Variants in FBXW7 observed in about 807,000 individuals in gnomAD.
The protein encoded by FBXW7 is F-box/WD repeat-containing protein 7.
FBXW7 carries 11 observed loss-of-function variants against 86.3 expected under a neutral mutation model. That is an observed-to-expected ratio of 0.13 (90% confidence interval 0.08 to 0.21). FBXW7 has a LOEUF of 0.21. Among genes scored for constraint, FBXW7 ranks in the 10% least tolerant of loss-of-function variants. The pLI is 1.00. For missense variants in FBXW7, 488 were observed against 847.4 expected (o/e 0.58, Z 5.27); for synonymous variants, 313 against 297.9 (o/e 1.05, Z -0.52).
chr4:152,370,618 T>G (rs1259673172), intron 4 of FBXW7, among the ~76,000 whole-genome samples: 1 of 151,972 alleles, frequency 6.6e-6, no homozygotes, highest in Non-Finnish European at 1.5e-5. Flanking sequence ...TTTAGCATTA[T>G]CTACACTTGG....
intron 2 of FBXW7, among the ~76,000 whole-genome samples, chr4:152,503,591 G>T (rs1747151586): frequency 1.3e-5 from 2 of 150,194 alleles, no homozygotes; most frequent in Non-Finnish European, 3.0e-5. Flanking sequence ...TCTTTTAGGT[G>T]AAATTTATTT....
At chr4:152,512,087 T>A (rs899835569) in intron 2 of FBXW7, among the ~76,000 whole-genome samples, 1 of 152,186 alleles carries the variant, frequency 6.6e-6, no homozygotes, top group African/African-American at 2.4e-5. Flanking sequence ...TTTCTTTCAA[T>A]GGACCAAGGC....
At position 152,321,516 on chromosome 4, in the gene FBXW7, T is replaced by C. The variant is rs1728557790; in HGVS notation, c.*1365A>G. 4.3e-6 allele frequency: 1 copy of C among 233,052 alleles called. No homozygotes were observed. The highest frequency in any genetic ancestry group is 8.5e-6 in the Non-Finnish European group (1 of 117,712). The allele number at this position is 233,052 out of a possible 1,614,324, so 14.4% of individuals were successfully genotyped here. A position where few individuals can be genotyped will look rare whatever the true frequency, so the allele number is the denominator to read the frequency against. On this transcript the variant is annotated 3_prime_UTR_variant, in exon 14 of 14. Coordinates refer to ENST00000281708, the MANE Select transcript of FBXW7 (RefSeq NM_001349798.2). ...CACTTTCACAGTTCAGCTTGAGTTG[T>C]GGCTCTTGGAGAATGAGGCAAACCA...
chr4:152,511,529 C>T (rs1450766137), intron 2 of FBXW7, among the ~76,000 whole-genome samples: 1 of 151,904 alleles, frequency 6.6e-6, no homozygotes, highest in Non-Finnish European at 1.5e-5. Context: ...GGGAAATTAT[C>T]CTGCAGAAAT....
chr4:152,362,529 G>A (rs1733062666), intron 4 of FBXW7, among the ~76,000 whole-genome samples: 1 of 151,910 alleles, frequency 6.6e-6, no homozygotes, highest in Admixed American at 6.6e-5. Flanking sequence ...AAGAACTTAG[G>A]GCCGGGCGCA....
chr4:152,516,776 C>T (rs1372375366), intron 2 of FBXW7, among the ~76,000 whole-genome samples: 2 of 152,140 alleles, frequency 1.3e-5, no homozygotes, highest in Non-Finnish European at 2.9e-5. Context: ...TTATTTCTTC[C>T]ACCAAGTAGG....
chr4:152,507,348 A>C (rs1747522006), intron 2 of FBXW7, among the ~76,000 whole-genome samples: 1 of 152,254 alleles, frequency 6.6e-6, no homozygotes, highest in Non-Finnish European at 1.5e-5. Flanking sequence ...GGAAGCTCTT[A>C]GAAAAGTTTT....
At chr4:152,356,055 A>G (rs1269064274) in intron 4 of FBXW7, among the ~76,000 whole-genome samples, 1 of 152,204 alleles carries the variant, frequency 6.6e-6, no homozygotes, top group South Asian at 2.1e-4. Flanking sequence ...TAATGTCAAC[A>G]TAAAGGATGT....
intron 4 of FBXW7, among the ~76,000 whole-genome samples, chr4:152,367,056 C>T (rs901861736): frequency 6.6e-6 from 1 of 152,118 alleles, no homozygotes; most frequent in African/African-American, 2.4e-5. Context: ...TGTTCTCACT[C>T]ATAGGTGGGA....
chr4:152,362,996 A>T (rs1733134404), intron 4 of FBXW7, among the ~76,000 whole-genome samples: 2 of 152,154 alleles, frequency 1.3e-5, no homozygotes, highest in Non-Finnish European at 2.9e-5. Context: ...CATTGCAATA[A>T]ACAGATTTTG....
intron 4 of FBXW7, among the ~76,000 whole-genome samples, chr4:152,408,326 T>C (rs1737613688): frequency 6.6e-6 from 1 of 152,236 alleles, no homozygotes; most frequent in African/African-American, 2.4e-5. Context: ...GAGCTGGGCA[T>C]ATCTTCAGAA....
chr4:152,445,910 T>TAAAAAAAAAAAAAAAAAAAA (rs11457603), intron 2 of FBXW7, among the ~76,000 whole-genome samples: 2 of 100,642 alleles, frequency 2.0e-5, no homozygotes, highest in Non-Finnish European at 2.3e-5. Flanking sequence ...ACTCTGTCTT[T>TAAAAAAAAAAAAAAAAAAAA]AAAAAAAAAA....
chr4:152,348,053 T>A (rs552474787), intron 5 of FBXW7, among the ~76,000 whole-genome samples: 1 of 152,222 alleles, frequency 6.6e-6, no homozygotes, highest in East Asian at 1.9e-4. Context: ...CTATGTTGAT[T>A]AATTATTTTA....
At chr4:152,385,390 C>T (rs1056589664) in intron 4 of FBXW7, among the ~76,000 whole-genome samples, 2 of 151,904 alleles carry the variant, frequency 1.3e-5, no homozygotes, top group African/African-American at 4.8e-5. Context: ...TTCACTTTTA[C>T]ATTTAAAAGC....
chr4:152,495,143 T>C (rs1284154856), intron 2 of FBXW7, among the ~76,000 whole-genome samples: 1 of 152,084 alleles, frequency 6.6e-6, no homozygotes, highest in Non-Finnish European at 1.5e-5. Flanking sequence ...ATCAAAATAA[T>C]TCTTTTAGGC....
intron 6 of FBXW7, among the ~76,000 whole-genome samples, chr4:152,345,470 A>C (rs769071558): frequency 3.9e-5 from 6 of 152,118 alleles, no homozygotes; most frequent in Non-Finnish European, 7.4e-5. Flanking sequence ...AGTACCATTG[A>C]CATTTTGGGC....
chr4:152,495,093 T>C (rs1416037615), intron 2 of FBXW7, among the ~76,000 whole-genome samples: 1 of 152,174 alleles, frequency 6.6e-6, no homozygotes, highest in Non-Finnish European at 1.5e-5. Context: ...TCAGATCACC[T>C]GAAAAGCCTT....
At chr4:152,366,432 T>C (rs1385362843) in intron 4 of FBXW7, among the ~76,000 whole-genome samples, 2 of 152,208 alleles carry the variant, frequency 1.3e-5, no homozygotes, top group Non-Finnish European at 2.9e-5. Context: ...TTAAATCATT[T>C]TATTTATTCA....
At chr4:152,433,443 G>C (rs754208815) in intron 2 of FBXW7, among the ~76,000 whole-genome samples, 3 of 152,152 alleles carry the variant, frequency 2.0e-5, no homozygotes, top group Non-Finnish European at 2.9e-5. Flanking sequence ...GTTTTAATCT[G>C]CATCTCCATG....
Sources: allele counts gnomAD v4.1 joint callset (sites outside exome capture counted in the v4.1 genomes callset), GRCh38; gene constraint gnomAD v4.1.1; transcripts MANE v1.5; gene names NCBI Gene and HGNC (gene_info 2026-07-23, HGNC 2026-07-21).